Variants in PTPRG observed in about 807,000 individuals in gnomAD.
PTPRG encodes receptor-type tyrosine-protein phosphatase gamma.
A neutral mutation model predicts 165.3 loss-of-function variants in PTPRG; 102 were observed. That is an observed-to-expected ratio of 0.62 (90% CI 0.53 to 0.73). The LOEUF (loss-of-function observed/expected upper bound fraction) is 0.73, where lower values mean the gene tolerates loss of function less well. Among genes scored for constraint, PTPRG ranks in the 30% least tolerant of loss-of-function variants. The pLI is 0.00. For synonymous variants in PTPRG, 675 were observed against 669.5 expected (o/e 1.01, Z -0.13); for missense variants, 1,866 against 1,861.4 (o/e 1.00, Z -0.05).
rs1702764060 is a variant in PTPRG at position 62,288,687 on chromosome 3, A to AAAT, written c.4056-3733_4056-3731dup. ...TACTCCGTCACAAAAAAAAAAAAAA[A>AAAT]AATTCGAAAGTTGTTAATTTGCTTA... is the stretch of plus-strand genomic sequence containing the variant. On this transcript the variant is annotated intron_variant, in intron 28 of 29. Coordinates refer to ENST00000474889, the MANE Select transcript of PTPRG (RefSeq NM_002841.4). Among the ~76,000 whole-genome samples the AAAT allele has an allele frequency of 1.3e-5, 2 of 152,042 alleles. 1 individual carries two copies. Among genetic ancestry groups the AAAT allele is most frequent in the Admixed American group, 1.3e-4 (2 of 15,242 alleles).
rs543052730 is a variant in PTPRG, at chr3:62,289,041, T to G, written c.4056-3380T>G. Among the ~76,000 whole-genome samples, 24 of 152,348 alleles carry G rather than the reference T, an allele frequency of 1.6e-4. No individual in the cohort carries two copies. The South Asian group carries it at 4.4e-3, about 28-fold the overall frequency. ...ATAAGCATAGTAAAATAACATTTAGTGAACACATGGTATGTGGTGTGTGCC... is the reference window on the plus strand; with the variant it reads ...ATAAGCATAGTAAAATAACATTTAGGGAACACATGGTATGTGGTGTGTGCC... On this transcript the variant is annotated intron_variant, in intron 28 of 29. Coordinates refer to ENST00000474889, the MANE Select transcript of PTPRG (RefSeq NM_002841.4).
At chr3:61,603,079 A>C (rs188656917) in intron 1 of PTPRG, among the ~76,000 whole-genome samples, 48 of 152,266 alleles carry the variant, frequency 3.2e-4, no homozygotes, top group Non-Finnish European at 6.0e-4. Flanking sequence ...ATGGGTCATC[A>C]TGGGAATATT....
chr3:61,718,672 C>A (rs1441546104), intron 1 of PTPRG, among the ~76,000 whole-genome samples: 1 of 152,172 alleles, frequency 6.6e-6, no homozygotes, highest in Non-Finnish European at 1.5e-5. Flanking sequence ...AACTTAGTAA[C>A]TTTTTTAAAG....
intron 2 of PTPRG, among the ~76,000 whole-genome samples, chr3:61,892,764 C>T (rs924640667): frequency 3.3e-5 from 5 of 150,830 alleles, no homozygotes; most frequent in Non-Finnish European, 2.9e-5. Flanking sequence ...TGCAGTGAGC[C>T]GAGATCGTGT....
At chr3:62,131,188 C>A (rs765047762) in intron 5 of PTPRG, among the ~76,000 whole-genome samples, 1 of 152,170 alleles carries the variant, frequency 6.6e-6, no homozygotes, top group Non-Finnish European at 1.5e-5. Flanking sequence ...TGTTTAGCAG[C>A]AGCTCTGGCC....
intron 2 of PTPRG, among the ~76,000 whole-genome samples, chr3:61,799,080 A>T (rs991134263): frequency 6.6e-6 from 1 of 152,258 alleles, no homozygotes; most frequent in African/African-American, 2.4e-5. Context: ...CTATTTTCAT[A>T]ATAGTGTTAT....
At chr3:61,860,075 A>C (rs932985697) in intron 2 of PTPRG, among the ~76,000 whole-genome samples, 10 of 152,182 alleles carry the variant, frequency 6.6e-5, no homozygotes, top group Non-Finnish European at 1.0e-4. Flanking sequence ...TTGTACACCA[A>C]TCCATAAAAT....
chr3:61,864,847 C>T (rs144651687), intron 2 of PTPRG, among the ~76,000 whole-genome samples: 1 of 152,288 alleles, frequency 6.6e-6, no homozygotes, highest in Non-Finnish European at 1.5e-5. Flanking sequence ...TTCTCTCATT[C>T]TTCCCAGATT....
In PTPRG at chr3:62,187,226, A is replaced by C. The variant is rs76456123; in HGVS notation, c.1034-4243A>C. Among the ~76,000 whole-genome samples the C allele has an allele frequency of 3.8e-4, 58 of 152,356 alleles. No homozygotes were observed. The East Asian group carries it at 0.011, about 29-fold the overall frequency. On this transcript the variant is annotated intron_variant, in intron 8 of 29. Coordinates refer to ENST00000474889, the MANE Select transcript of PTPRG (RefSeq NM_002841.4). Reference sequence around the variant, plus strand: ...CACGTACTAGTAAGTGCTGGGAAGAATCTAAGCTCTGTGAAGGAGCAGGCC... The same window carrying C: ...CACGTACTAGTAAGTGCTGGGAAGACTCTAAGCTCTGTGAAGGAGCAGGCC...
chr3:61,820,364 T>C lies in PTPRG; in HGVS notation c.190+71382T>C, dbSNP rs113527806. Among the ~76,000 whole-genome samples, 846 of 152,280 alleles carry C rather than the reference T, an allele frequency of 5.6e-3. 6 individuals are homozygous for C. The highest frequency in any genetic ancestry group is 0.02 in the African/African-American group (817 of 41,558). On this transcript the variant is annotated intron_variant, in intron 2 of 29. Transcript: ENST00000474889. ...TTTTGTTCTATTCAGGCACTCAGGG[T>C]GCCCTGAATGGGTACCTACCCACAT...
chr3:61,631,673 T>C (rs926983321), intron 1 of PTPRG, among the ~76,000 whole-genome samples: 5 of 152,210 alleles, frequency 3.3e-5, no homozygotes, highest in African/African-American at 7.2e-5. Flanking sequence ...TGCCAAAGTT[T>C]TTAAGCTCTG....
rs368686375 is a variant in PTPRG, at chr3:61,929,273, G to C, written c.191-60352G>C. Among the ~76,000 whole-genome samples the C allele has an allele frequency of 1.6e-4, 24 of 152,026 alleles. No homozygotes were observed. In the East Asian group the frequency reaches 4.2e-3, roughly 27 times the overall value. On this transcript the variant is annotated intron_variant, in intron 2 of 29. Coordinates refer to ENST00000474889, the MANE Select transcript of PTPRG (RefSeq NM_002841.4). ...TTTCCTAGAGGTTGTTCTCTCTCTG[G>C]GAATGAATACCGAGGTGCTATTTCA... is the stretch of plus-strand genomic sequence containing the variant.
At chr3:62,164,027 A>G (rs1170029051) in intron 7 of PTPRG, among the ~76,000 whole-genome samples, 1 of 152,210 alleles carries the variant, frequency 6.6e-6, no homozygotes, top group Admixed American at 6.5e-5. Flanking sequence ...GTGATCTCAT[A>G]TATATTTTTC....
At chr3:62,109,400 C>T (rs760704479) in intron 5 of PTPRG, among the ~76,000 whole-genome samples, 1 of 152,116 alleles carries the variant, frequency 6.6e-6, no homozygotes, top group Non-Finnish European at 1.5e-5. Context: ...TTTTATTGGA[C>T]TATATATCTG....
chr3:61,563,729 C>G (rs1292923700), intron 1 of PTPRG, among the ~76,000 whole-genome samples: 4 of 152,200 alleles, frequency 2.6e-5, no homozygotes, highest in Admixed American at 1.3e-4. Context: ...GCGGCTGGAG[C>G]GCCCGTTTTT....
Position 61,568,744 on chromosome 3 carries a change from C to T in PTPRG, c.85+6372C>T, listed in dbSNP as rs147840696. On this transcript the variant is annotated intron_variant, in intron 1 of 29. Coordinates refer to ENST00000474889, the MANE Select transcript of PTPRG (RefSeq NM_002841.4). ...CCAATATAGTGAAACCCTGTCTCTT[C>T]TAAAAATACAAAAATTAGCTGGGCA... 2.6e-4 allele frequency among the ~76,000 whole-genome samples: 39 copies of T among 152,028 alleles called. 1 individual carries two copies. The East Asian group carries it at 5.2e-3, about 20-fold the overall frequency.
At chr3:61,602,162 T>A (rs558761468) in intron 1 of PTPRG, among the ~76,000 whole-genome samples, 278 of 152,084 alleles carry the variant, frequency 1.8e-3, no homozygotes, top group African/African-American at 4.1e-3. Context: ...TTTTTTTTTT[T>A]AAATTTTTAA....
Position 62,078,143 on chromosome 3 carries a change from T to C in PTPRG, c.520-20T>C, listed in dbSNP as rs1701452363. ...ATGTTTGAAAATTTTCCTAATACATTTTTTTAATTGTTCTTACAGATGCAG... is the reference window on the plus strand; with the variant it reads ...ATGTTTGAAAATTTTCCTAATACATCTTTTTAATTGTTCTTACAGATGCAG... On this transcript the variant is annotated intron_variant, in intron 4 of 29. Coordinates refer to ENST00000474889, the MANE Select transcript of PTPRG (RefSeq NM_002841.4). 6.6e-7 allele frequency: 1 copy of C among 1,523,260 alleles called. No individual in the cohort carries two copies. The highest frequency in any genetic ancestry group is 9.0e-7 in the Non-Finnish European group (1 of 1,108,752). 94.4% of individuals were successfully genotyped at this position (1,523,260 alleles called of 1,614,324 possible).
chr3:61,956,090 T>TTATATATATATATATATATATATA (rs139960761), intron 2 of PTPRG, among the ~76,000 whole-genome samples: 71 of 149,050 alleles, frequency 4.8e-4, no homozygotes, highest in African/African-American at 1.7e-3. Context: ...GGGAAAAAAA[T>TTATATATATATATATATATATATA]TATATATATA....
Sources: allele counts gnomAD v4.1 joint callset (sites outside exome capture counted in the v4.1 genomes callset), GRCh38; gene constraint gnomAD v4.1.1; transcripts MANE v1.5; gene names NCBI Gene and HGNC (gene_info 2026-07-23, HGNC 2026-07-21).